The following CAMTA1 variants were observed in gnomAD, a reference collection of about 807,000 sequenced individuals.
The protein encoded by CAMTA1 is calmodulin-binding transcription activator 1.
In CAMTA1, 27 loss-of-function variants were observed where a neutral mutation model predicts 170.9. That is an observed-to-expected ratio of 0.16 (90% CI 0.12 to 0.22). CAMTA1 has a LOEUF of 0.22. Among genes scored for constraint, CAMTA1 ranks in the 10% least tolerant of loss-of-function variants. The probability of loss-of-function intolerance (pLI) is 1.00; values close to 1 mark genes in which losing one functional copy is unlikely to be tolerated. For missense variants in CAMTA1, 1,619 were observed against 2,217.2 expected, an observed-to-expected ratio of 0.73 and a Z score of 5.42; for synonymous variants, 833 against 891.5, an observed-to-expected ratio of 0.93 and a Z score of 1.17.
chr1:7,014,844 C>T lies in CAMTA1; in HGVS notation c.235-76460C>T, dbSNP rs148667906. 2.0e-4 allele frequency among the ~76,000 whole-genome samples: 31 copies of T among 152,182 alleles called. 1 individual carries two copies. The East Asian group carries it at 6.0e-3, about 29-fold the overall frequency. On this transcript the variant is annotated intron_variant, in intron 3 of 22. Transcript: ENST00000303635. The surrounding 1 kb of genome is among the most constrained non-coding windows in gnomAD (Gnocchi z 4.2). ...GGCCGGGTGGGGGAGCGGGTGGTGG[C>T]ATCAGTGGGTTTCTGATGAATGCCT...
intron 4 of CAMTA1, among the ~76,000 whole-genome samples, chr1:7,210,798 A>G (rs1293382779): frequency 6.6e-6 from 1 of 152,164 alleles, no homozygotes; most frequent in African/African-American, 2.4e-5. Flanking sequence ...ATGGATTTCT[A>G]TCTTAGTGAG....
chr1:7,540,117 A>C (rs1224557455), intron 6 of CAMTA1, among the ~76,000 whole-genome samples: 1 of 152,120 alleles, frequency 6.6e-6, no homozygotes, highest in Non-Finnish European at 1.5e-5. Flanking sequence ...TGTTGCCATG[A>C]TCTGGCCCCA....
intron 11 of CAMTA1, among the ~76,000 whole-genome samples, chr1:7,710,861 T>C (rs558902124): frequency 6.6e-6 from 1 of 152,236 alleles, no homozygotes; most frequent in East Asian, 1.9e-4. Context: ...ACAGCTCTTA[T>C]TTCCCTGTAG....
At chr1:7,317,666 A>G (rs1489020020) in intron 5 of CAMTA1, among the ~76,000 whole-genome samples, 1 of 152,318 alleles carries the variant, frequency 6.6e-6, no homozygotes, top group East Asian at 1.9e-4. Flanking sequence ...GTTGAGCTGG[A>G]TGACATCCAC....
chr1:7,306,357 G>A (rs980810377), intron 5 of CAMTA1, among the ~76,000 whole-genome samples: 3 of 151,732 alleles, frequency 2.0e-5, no homozygotes, highest in Non-Finnish European at 4.4e-5. Flanking sequence ...GCATTTAGAT[G>A]TCTTATTGTT....
intron 19 of CAMTA1, among the ~76,000 whole-genome samples, chr1:7,749,528 G>A (rs911041648): frequency 1.3e-5 from 2 of 151,308 alleles, no homozygotes; most frequent in Non-Finnish European, 2.9e-5. Context: ...CAAAATATGA[G>A]TTTGGTTTTT....
At chr1:7,057,812 C>T (rs1394964257) in intron 3 of CAMTA1, among the ~76,000 whole-genome samples, 1 of 152,244 alleles carries the variant, frequency 6.6e-6, no homozygotes, top group Non-Finnish European at 1.5e-5. Flanking sequence ...GAGACCTCCG[C>T]TTTGGCCATA....
At chr1:7,366,589 G>C (rs928817967) in intron 5 of CAMTA1, among the ~76,000 whole-genome samples, 1 of 152,268 alleles carries the variant, frequency 6.6e-6, no homozygotes, top group Admixed American at 6.5e-5. Context: ...TCTCCTTGCA[G>C]AGAGCTAATG....
intron 6 of CAMTA1, among the ~76,000 whole-genome samples, chr1:7,496,151 C>T (rs2093823522): frequency 6.6e-6 from 1 of 152,200 alleles, no homozygotes; most frequent in South Asian, 2.1e-4. Context: ...CCCCGGGCTG[C>T]CTTTGCCTGA....
chr1:7,699,838 T>C (rs2096419050), intron 11 of CAMTA1, among the ~76,000 whole-genome samples: 1 of 152,264 alleles, frequency 6.6e-6, no homozygotes, highest in Non-Finnish European at 1.5e-5. Flanking sequence ...TGGAGAAATG[T>C]CTATTCAGAT....
intron 6 of CAMTA1, among the ~76,000 whole-genome samples, chr1:7,484,288 C>T (rs2093585296): frequency 6.6e-6 from 1 of 152,200 alleles, no homozygotes; most frequent in Non-Finnish European, 1.5e-5. Context: ...GACTGAGCCT[C>T]TCCCCAGGAG....
At chr1:7,607,431 A>T (rs1382927867) in intron 6 of CAMTA1, among the ~76,000 whole-genome samples, 4 of 147,214 alleles carry the variant, frequency 2.7e-5, no homozygotes, top group Non-Finnish European at 4.5e-5. Flanking sequence ...GGATGTGTAG[A>T]TGGAATGATA....
chr1:7,077,319 AC>A (rs1639432973), intron 3 of CAMTA1, among the ~76,000 whole-genome samples: 1 of 147,104 alleles, frequency 6.8e-6, no homozygotes, highest in African/African-American at 2.5e-5. Flanking sequence ...AGGCTCTCAC[AC>A]CCTCCTTTCC....
chr1:6,896,118 C>T (rs1487179687), intron 3 of CAMTA1, among the ~76,000 whole-genome samples: 1 of 152,126 alleles, frequency 6.6e-6, no homozygotes, highest in Non-Finnish European at 1.5e-5. Flanking sequence ...TTCTTGCCCA[C>T]ATTTTTTTTG....
chr1:7,235,990 G>A (rs1016628637), intron 4 of CAMTA1, among the ~76,000 whole-genome samples: 1 of 152,164 alleles, frequency 6.6e-6, no homozygotes. Context: ...CTGGCAGATT[G>A]CAGCCTGGGC....
At chr1:7,543,786 C>T (rs372841098) in intron 6 of CAMTA1, among the ~76,000 whole-genome samples, 3 of 151,590 alleles carry the variant, frequency 2.0e-5, no homozygotes, top group South Asian at 4.2e-4. Context: ...TTGCTTCATC[C>T]TCAAAGAGTG....
At chr1:7,056,391 G>T (rs1230732833) in intron 3 of CAMTA1, among the ~76,000 whole-genome samples, 2 of 151,994 alleles carry the variant, frequency 1.3e-5, no homozygotes, top group Non-Finnish European at 2.9e-5. Flanking sequence ...TGGGAAGGGG[G>T]CTCATGAGCT....
At chr1:7,711,355 A>G (rs1250791817) in intron 11 of CAMTA1, among the ~76,000 whole-genome samples, 1 of 152,170 alleles carries the variant, frequency 6.6e-6, no homozygotes, top group African/African-American at 2.4e-5. Context: ...AGGAAGACAT[A>G]ACATTCAGTC....
intron 16 of CAMTA1, among the ~76,000 whole-genome samples, chr1:7,744,285 C>T (rs545776231): frequency 6.6e-6 from 1 of 152,008 alleles, no homozygotes; most frequent in Non-Finnish European, 1.5e-5. Flanking sequence ...GCAAGCACCA[C>T]CATACCTGGC....
Sources: allele counts gnomAD v4.1 joint callset (sites outside exome capture counted in the v4.1 genomes callset), GRCh38; gene constraint gnomAD v4.1.1; non-coding constraint Gnocchi (gnomAD v3.1); transcripts MANE v1.5; gene names NCBI Gene and HGNC (gene_info 2026-07-23, HGNC 2026-07-21).